The following REEP2 variants were observed in gnomAD, a reference collection of about 807,000 sequenced individuals.
REEP2 encodes the protein receptor accessory protein 2.
Under a neutral mutation model 32.1 loss-of-function variants are expected in REEP2, and 9 were observed. That is an observed-to-expected ratio of 0.28 (90% confidence interval 0.17 to 0.49). The LOEUF (loss-of-function observed/expected upper bound fraction) is 0.49. Ranked by LOEUF, REEP2 falls within the 20% of genes least tolerant of loss-of-function variation. REEP2 has a pLI of 0.99. For missense variants in REEP2, 236 were observed against 338.0 expected, an observed-to-expected ratio of 0.70 and a Z score of 2.37; for synonymous variants, 128 against 139.1, an observed-to-expected ratio of 0.92 and a Z score of 0.56.
At chr5:138,443,584 C>G (rs1227861029) in intron 3 of REEP2, 1 of 151,782 alleles carries the variant, frequency 6.6e-6, no homozygotes, top group East Asian at 1.9e-4. Flanking sequence ...CTCTGTCATT[C>G]AGGTTGGAGT....
intron 1 of REEP2, 78 bp from the exon 2 acceptor site, chr5:138,440,938 C>G (rs1328129735): frequency 1.2e-6 from 2 of 1,600,840 alleles, no homozygotes; most frequent in African/African-American, 2.7e-5. Flanking sequence ...ATTACTTACC[C>G]AGGGGCTGAT....
chr5:138,445,096 T>C (rs1238847931), intron 5 of REEP2, 132 bp from the exon 6 acceptor site: 1 of 1,068,188 alleles, frequency 9.4e-7, no homozygotes, highest in African/African-American at 1.6e-5. Flanking sequence ...CCCTCAGCTC[T>C]GTCTGTGTGG....
At chr5:138,439,765 C>A (rs950615135) in intron 1 of REEP2, 2 of 455,986 alleles carry the variant, frequency 4.4e-6, no homozygotes, top group Non-Finnish European at 8.8e-6. Context: ...TGCCCTTAGG[C>A]CCCCTAGGGA....
rs1183175870 is a variant in REEP2, at chr5:138,446,552, G to A, written c.*801G>A. On this transcript the variant is annotated 3_prime_UTR_variant, in exon 8 of 8. Transcript: ENST00000378339. The stretch of plus-strand genomic sequence containing the variant: ...GAGCCTCAGAGGACCCAGCCCATGA[G>A]AGAACGGGGATCTGGGGGGCCTCTC... 6.6e-6 allele frequency: 1 copy of A among 152,598 alleles called. No individual in the cohort carries two copies. The highest frequency in any genetic ancestry group is 1.5e-5 in the Non-Finnish European group (1 of 68,434). The allele number at this position is 152,598 out of a possible 1,614,324, so 9.5% of individuals were successfully genotyped here. A position where few individuals can be genotyped will look rare whatever the true frequency, so the allele number is the denominator to read the frequency against.
rs750886163 is a variant in REEP2, at chr5:138,445,736, G to A, written c.750G>A (p.Gly250=). 2.0e-5 allele frequency: 33 copies of A among 1,614,010 alleles called. No individual in the cohort carries two copies. The highest frequency in any genetic ancestry group is 2.7e-5 in the Non-Finnish European group (32 of 1,179,986). The change falls in exon 8 of 8, where the codon GGG becomes GGA. Residue 250 remains glycine (G), a synonymous_variant. Transcript: ENST00000378339. ...KTRPKKKTSG[G]GDSA is the part of the protein sequence containing the mutation. ...GGCCCAAGAAGAAGACCTCTGGCGG[G>A]GGCGACTCAGCTTGAGCCCCTCCAC...
rs1434867158 is a variant in REEP2 at position 138,441,930 on chromosome 5, A to T, written c.182+469A>T. Reference sequence around the variant, plus strand: ...CAACAGAGTGAGACTCCGTCTCAAAAAAAAAACAAACAAACAAGGAGTAAG... The same window carrying T: ...CAACAGAGTGAGACTCCGTCTCAAATAAAAAACAAACAAACAAGGAGTAAG... On this transcript the variant is annotated intron_variant, in intron 3 of 7. Coordinates refer to ENST00000378339, the MANE Select transcript of REEP2 (RefSeq NM_001271803.2). This position sits in a 1 kb window ranked among gnomAD's most constrained non-coding sequence, Gnocchi z 4.4. Among the ~76,000 whole-genome samples the T allele has an allele frequency of 6.6e-6, 1 of 152,134 alleles. No homozygotes were observed. The highest frequency in any genetic ancestry group is 2.4e-5 in the African/African-American group (1 of 41,440).
intron 1 of REEP2, chr5:138,439,622 G>T (rs775394456): frequency 2.1e-6 from 1 of 474,312 alleles, no homozygotes; most frequent in Non-Finnish European, 4.2e-6. Flanking sequence ...TGTCCCTCTG[G>T]GGGAGGTAAC....
rs1457534130 is a variant in REEP2 at position 138,441,234 on chromosome 5, C to T, written c.105+146C>T. 7.7e-7 allele frequency: 1 copy of T among 1,292,938 alleles called. No individual in the cohort carries two copies. Among genetic ancestry groups the T allele is most frequent in the African/African-American group, 1.5e-5 (1 of 68,594 alleles). The allele number at this position is 1,292,938 out of a possible 1,614,324, so 80.1% of individuals were successfully genotyped here. A position where few individuals can be genotyped will look rare whatever the true frequency, so the allele number is the denominator to read the frequency against. On this transcript the variant is annotated intron_variant, in intron 2 of 7. Coordinates refer to ENST00000378339, the MANE Select transcript of REEP2 (RefSeq NM_001271803.2). The surrounding 1 kb of genome is among the most constrained non-coding windows in gnomAD (Gnocchi z 4.4). ...CCAGCAAAGGAGGGCCCTGGGTGTC[C>T]CACACAGCGCCTCCAACATGGCTGG...
rs746876322 is a variant in REEP2 at position 138,445,765 on chromosome 5, C to A, written c.*14C>A. ...GACTCAGCTTGAGCCCCTCCACCCCCGCAGGCTGCAGAGCAAGGATGAAGC... is the reference window on the plus strand; with the variant it reads ...GACTCAGCTTGAGCCCCTCCACCCCAGCAGGCTGCAGAGCAAGGATGAAGC... On this transcript the variant is annotated 3_prime_UTR_variant, in exon 8 of 8. Coordinates refer to ENST00000378339, the MANE Select transcript of REEP2 (RefSeq NM_001271803.2). 2 of 1,611,690 alleles carry A rather than the reference C, an allele frequency of 1.2e-6. No homozygotes were observed. The highest frequency in any genetic ancestry group is 1.7e-4 in the Middle Eastern group (1 of 6,048).
chr5:138,440,119 C>A (rs1162278338), intron 1 of REEP2, among the ~76,000 whole-genome samples: 1 of 152,234 alleles, frequency 6.6e-6, no homozygotes. Flanking sequence ...AGGGGCTCCT[C>A]GTGGTTCTCG....
chr5:138,444,660 C>T lies in REEP2; in HGVS notation c.304-94C>T, dbSNP rs76471985. On this transcript the variant is annotated intron_variant, in intron 4 of 7. Transcript: ENST00000378339. ...GCCCAAAGTGACTTGGCAGGGCTGCCGTGGCCTCCCGGAGCAGGCAGGGGC... is the reference window on the plus strand; with the variant it reads ...GCCCAAAGTGACTTGGCAGGGCTGCTGTGGCCTCCCGGAGCAGGCAGGGGC... The T allele has an allele frequency of 2.0e-4, 318 of 1,557,946 alleles. No homozygotes were observed. In the African/African-American group the frequency reaches 2.7e-3, roughly 13 times the overall value.
intron 1 of REEP2, chr5:138,439,650 T>C (rs1325346185): frequency 8.7e-6 from 4 of 461,876 alleles, no homozygotes; most frequent in Non-Finnish European, 1.7e-5. Flanking sequence ...TGGAAGAGAG[T>C]GGAGCAAGGC....
chr5:138,441,197 TAAC>T lies in REEP2; in HGVS notation c.105+112_105+114del. Reference sequence around the variant, plus strand: ...ACTTTGCACCAACACTGTCAGCCACTAACAAGACCCACCAGCAAAGGAGGGCCC... The same window carrying T: ...ACTTTGCACCAACACTGTCAGCCACTAAGACCCACCAGCAAAGGAGGGCCC... On this transcript the variant is annotated intron_variant, in intron 2 of 7. Transcript: ENST00000378339. The surrounding 1 kb of genome is among the most constrained non-coding windows in gnomAD (Gnocchi z 4.4). 6.9e-7 allele frequency: 1 copy of T among 1,459,430 alleles called. No homozygotes were observed. Among genetic ancestry groups the T allele is most frequent in the Middle Eastern group, 1.7e-4 (1 of 5,720 alleles). The allele number at this position is 1,459,430 out of a possible 1,614,324, so 90.4% of individuals were successfully genotyped here.
intron 3 of REEP2, among the ~76,000 whole-genome samples, chr5:138,444,123 G>C (rs1046451756): frequency 2.0e-5 from 3 of 152,068 alleles, no homozygotes; most frequent in African/African-American, 7.2e-5. Context: ...CAGAGGAAGG[G>C]GGGTTTTCTC....
chr5:138,439,180 C>G lies in REEP2; in HGVS notation c.-29C>G. 1 of 1,352,502 alleles carries G rather than the reference C, an allele frequency of 7.4e-7. No individual in the cohort carries two copies. The highest frequency in any genetic ancestry group is 2.3e-5 in the South Asian group (1 of 43,464). 83.8% of individuals were successfully genotyped at this position (1,352,502 alleles called of 1,614,324 possible). A position where few individuals can be genotyped will look rare whatever the true frequency, so the allele number is the denominator to read the frequency against. ...AGCTGCATCCTCGGCCGGGCCGGGT[C>G]CCCGCCCCGCGCCGCGCCCGGCCCC... On this transcript the variant is annotated 5_prime_UTR_variant, in exon 1 of 8. Transcript: ENST00000378339.
Position 138,444,531 on chromosome 5 carries a change from A to C in REEP2, c.299A>C (p.Glu100Ala). ...GTGCACCCAACGCTGTCCAACAAGGAGAAGGTTTGCCCCCACTCTCAGCTC... is the reference window on the plus strand; with the variant it reads ...GTGCACCCAACGCTGTCCAACAAGGCGAAGGTTTGCCCCCACTCTCAGCTC... Reference protein sequence around the residue: ...KFVHPTLSNKEKEIDEYITQA... With the variant: ...KFVHPTLSNKAKEIDEYITQA... The change falls in exon 4 of 8, where the codon GAG becomes GCG. Residue 100 changes from glutamate to alanine, a missense_variant. Glu to Ala is a moderately radical substitution (Grantham distance 107). Coordinates refer to ENST00000378339, the MANE Select transcript of REEP2 (RefSeq NM_001271803.2). The C allele has an allele frequency of 6.2e-7, 1 of 1,613,968 alleles. No individual in the cohort carries two copies.
rs756954484 is a variant in REEP2, at chr5:138,445,366, G to A, written c.556G>A (p.Glu186Lys). ...PSPGSLLDTIEDLGDDPALSL... is the reference protein window; with the variant it reads ...PSPGSLLDTIKDLGDDPALSL... The stretch of plus-strand genomic sequence containing the variant: ...CCCTGGCAGCCTCCTGGACACCATC[G>A]AGGACTTAGGTACAGGCAGGGCCCG... The change falls in exon 6 of 8, where the codon GAG (glutamate) becomes AAG (lysine). Residue 186 changes from glutamate to lysine, a missense_variant. Transcript: ENST00000378339. 20 of 1,612,306 alleles carry A rather than the reference G, an allele frequency of 1.2e-5. No homozygotes were observed. Among genetic ancestry groups the A allele is most frequent in the Non-Finnish European group, 1.5e-5 (18 of 1,179,280 alleles).
chr5:138,445,585 C>G lies in REEP2; in HGVS notation c.683C>G (p.Ala228Gly), dbSNP rs145269051. The change falls in exon 7 of 8, where the codon GCG becomes GGG. Residue 228 changes from alanine (A) to glycine (G), a missense_variant. Ala to Gly is a moderately conservative substitution (Grantham distance 60, BLOSUM62 0). Transcript: ENST00000378339. ...AAGAGGGCCAAACCCATCAAAAAAG[C>G]GCCCAAAGCTGAGGTGAGGGCACTG... ...APKRAKPIKK[A>G]PKAEPLASKT... 1 of 1,614,190 alleles carries G rather than the reference C, an allele frequency of 6.2e-7. No individual in the cohort carries two copies. The highest frequency in any genetic ancestry group is 8.5e-7 in the Non-Finnish European group (1 of 1,180,012).
At chr5:138,443,053 G>A (rs955270796) in intron 3 of REEP2, among the ~76,000 whole-genome samples, 16 of 151,836 alleles carry the variant, frequency 1.1e-4, no homozygotes, top group Admixed American at 2.6e-4. Context: ...GGTAAAGGCC[G>A]GGCATGGTGG....
Sources: gnomAD v4.1 joint callset for allele counts (sites outside exome capture counted in the v4.1 genomes callset) on GRCh38, gnomAD v4.1.1 for gene constraint, Gnocchi (gnomAD v3.1) non-coding constraint, MANE v1.5 for transcripts, NCBI Gene and HGNC (gene_info 2026-07-23, HGNC 2026-07-21) for gene names.